The following AQP9 variants were observed in gnomAD, a reference collection of about 807,000 sequenced individuals.
The protein encoded by AQP9 is aquaporin 9, also known as aquaporin-9.
Under a neutral mutation model 23.8 loss-of-function variants are expected in AQP9, and 19 were observed. The ratio of observed to expected loss-of-function variants is 0.80; its 90% CI spans 0.56 to 1.17. The LOEUF is 1.17. Ranked by LOEUF, AQP9 falls within the 50% of genes most tolerant of loss-of-function variation. The pLI is 0.00. For missense variants in AQP9, 413 were observed against 362.0 expected (o/e 1.14, Z -1.14); for synonymous variants, 153 against 131.5 (o/e 1.16, Z -1.12).
chr15:58,156,147 G>A (rs1898254919), intron 1 of AQP9: 1 of 152,038 alleles, frequency 6.6e-6, no homozygotes, highest in African/African-American at 2.4e-5. Flanking sequence ...CAGGGAAAAA[G>A]CACTTCTGCT....
At position 58,183,888 on chromosome 15, in the gene AQP9, T is replaced by C. The variant is rs74016587; in HGVS notation, c.714-73T>C. 2.0e-3 allele frequency: 2,992 copies of C among 1,477,756 alleles called. 48 individuals are homozygous for C. In the African/African-American group the frequency reaches 0.038, roughly 19 times the overall value. The allele number at this position is 1,477,756 out of a possible 1,614,324, so 91.5% of individuals were successfully genotyped here. A position where few individuals can be genotyped will look rare whatever the true frequency, so the allele number is the denominator to read the frequency against. ...CATGAGTGTGAGAAAGACTAACAAG[T>C]GAGTGAAAAACTAGACAGTAATACC... On this transcript the variant is annotated intron_variant, in intron 5 of 5. Transcript: ENST00000219919.
Position 58,184,037 on chromosome 15 carries a change from C to T in AQP9, c.790C>T (p.Leu264Phe). The T allele has an allele frequency of 1.2e-6, 2 of 1,614,134 alleles. No individual in the cohort carries two copies. The highest frequency in any genetic ancestry group is 1.7e-6 in the Non-Finnish European group (2 of 1,179,996). ...GAVIGGLIYV[L>F]VIEIHHPEPD... ...TGTCATTGGAGGCCTCATCTATGTT[C>T]TTGTCATTGAAATCCACCATCCAGA... Residue 264 changes from leucine (L) to phenylalanine (F), a missense_variant, in exon 6 of 6, where the codon CTT becomes TTT. Transcript: ENST00000219919.
chr15:58,138,988 G>C (rs1453202807), intron 1 of AQP9, among the ~76,000 whole-genome samples: 1 of 152,180 alleles, frequency 6.6e-6, no homozygotes, highest in Non-Finnish European at 1.5e-5. Flanking sequence ...TCAGTCGTTA[G>C]TGTTTTCATT....
intron 1 of AQP9, among the ~76,000 whole-genome samples, chr15:58,147,715 T>C (rs1898073526): frequency 1.3e-5 from 2 of 152,142 alleles, no homozygotes; most frequent in African/African-American, 2.4e-5. Context: ...CCGAAAACCC[T>C]ATGCTTCTAT....
At chr15:58,141,403 C>T (rs1271698167) in intron 1 of AQP9, among the ~76,000 whole-genome samples, 2 of 152,192 alleles carry the variant, frequency 1.3e-5, no homozygotes, top group African/African-American at 4.8e-5. Flanking sequence ...CGGACAGATG[C>T]TGAATTCTTT....
At chr15:58,180,629 T>C (rs1464216948) in intron 5 of AQP9, among the ~76,000 whole-genome samples, 3 of 152,124 alleles carry the variant, frequency 2.0e-5, no homozygotes, top group African/African-American at 7.2e-5. Flanking sequence ...CCTCAAGAAA[T>C]TGACAATCCA....
chr15:58,183,058 G>C (rs918109643), intron 5 of AQP9, among the ~76,000 whole-genome samples: 16 of 152,190 alleles, frequency 1.1e-4, no homozygotes, highest in African/African-American at 3.6e-4. Flanking sequence ...GAAAAGAAAA[G>C]CTATGGGTCC....
chr15:58,172,514 T>C (rs1271588594), intron 2 of AQP9, among the ~76,000 whole-genome samples: 3 of 152,216 alleles, frequency 2.0e-5, no homozygotes, highest in African/African-American at 7.2e-5. Flanking sequence ...GCAGAGGAAC[T>C]GAGAACAAGC....
At chr15:58,173,307 C>A in intron 3 of AQP9, 102 bp downstream of exon 3, 1 of 1,519,900 alleles carries the variant, frequency 6.6e-7, no homozygotes, top group Non-Finnish European at 8.9e-7. Flanking sequence ...GGACGGGAAG[C>A]ATTCTACAAG....
intron 1 of AQP9, chr15:58,146,998 T>C (rs1898057864): frequency 6.6e-6 from 1 of 152,154 alleles, no homozygotes; most frequent in Admixed American, 6.5e-5. Context: ...GACTTCCCCC[T>C]ATCAGCAATG....
At chr15:58,180,782 A>G (rs1898869283) in intron 5 of AQP9, among the ~76,000 whole-genome samples, 1 of 152,230 alleles carries the variant, frequency 6.6e-6, no homozygotes, top group Non-Finnish European at 1.5e-5. Context: ...TAAGCATCCT[A>G]CAATGCACAC....
intron 4 of AQP9, among the ~76,000 whole-genome samples, chr15:58,178,464 C>A (rs1374261005): frequency 6.6e-6 from 1 of 152,094 alleles, no homozygotes; most frequent in Non-Finnish European, 1.5e-5. Flanking sequence ...TCTCAAACAT[C>A]CAGCAGCATC....
At chr15:58,165,780 G>A (rs752100396) in intron 1 of AQP9, among the ~76,000 whole-genome samples, 1 of 152,034 alleles carries the variant, frequency 6.6e-6, no homozygotes, top group Non-Finnish European at 1.5e-5. Flanking sequence ...TCCTCTACCA[G>A]CTGAAGATTG....
intron 2 of AQP9, among the ~76,000 whole-genome samples, chr15:58,167,007 A>G (rs531835712): frequency 6.6e-6 from 1 of 152,374 alleles, no homozygotes; most frequent in African/African-American, 2.4e-5. Context: ...CAAGAGACAG[A>G]AATGGGGGTT....
chr15:58,139,526 A>G (rs1014663821), intron 1 of AQP9, among the ~76,000 whole-genome samples: 6 of 152,172 alleles, frequency 3.9e-5, no homozygotes, highest in Non-Finnish European at 8.8e-5. Flanking sequence ...ATTGATTTCA[A>G]CTGGTTTTTT....
chr15:58,166,275 T>C lies in AQP9; in HGVS notation c.112-398T>C, dbSNP rs375311349. Among the ~76,000 whole-genome samples, 24 of 152,340 alleles carry C rather than the reference T, an allele frequency of 1.6e-4. No individual in the cohort carries two copies. The South Asian group carries it at 4.3e-3, about 28-fold the overall frequency. Reference sequence around the variant, plus strand: ...TTTCCCTGTGAACAACCAGATCTTTTGGTTGATTAAAAGGAACCAGTGGGT... The same window carrying C: ...TTTCCCTGTGAACAACCAGATCTTTCGGTTGATTAAAAGGAACCAGTGGGT... On this transcript the variant is annotated intron_variant, in intron 1 of 5. Coordinates refer to ENST00000219919, the MANE Select transcript of AQP9 (RefSeq NM_020980.5).
At chr15:58,144,510 T>G (rs1404838788) in intron 1 of AQP9, among the ~76,000 whole-genome samples, 2 of 152,232 alleles carry the variant, frequency 1.3e-5, no homozygotes, top group Non-Finnish European at 2.9e-5. Flanking sequence ...TACCATTTTT[T>G]TTGTTGTTGA....
At chr15:58,171,213 G>A (rs1165159924) in intron 2 of AQP9, among the ~76,000 whole-genome samples, 4 of 151,692 alleles carry the variant, frequency 2.6e-5, no homozygotes, top group Non-Finnish European at 5.9e-5. Context: ...TCAGCCTCCC[G>A]AGTAGCTGGG....
At chr15:58,175,597 G>A (rs1230766919) in intron 4 of AQP9, among the ~76,000 whole-genome samples, 1 of 152,200 alleles carries the variant, frequency 6.6e-6, no homozygotes, top group Non-Finnish European at 1.5e-5. Context: ...CTTATGGCAG[G>A]ACTAACATTG....
Sources: allele counts gnomAD v4.1 joint callset (sites outside exome capture counted in the v4.1 genomes callset), GRCh38; gene constraint gnomAD v4.1.1; transcripts MANE v1.5; gene names NCBI Gene and HGNC (gene_info 2026-07-23, HGNC 2026-07-21).